NUP58: variants seen among roughly 807,000 people sequenced by gnomAD.
The protein encoded by NUP58 is nucleoporin p58/p45.
In NUP58, 17 loss-of-function variants were observed where a neutral mutation model predicts 70.1. The ratio of observed to expected loss-of-function variants is 0.24; its 90% CI spans 0.17 to 0.36. The LOEUF (loss-of-function observed/expected upper bound fraction) is 0.36, where lower values mean the gene tolerates loss of function less well. NUP58 is among the 10% of genes least tolerant of loss of function. NUP58 has a pLI of 1.00. For synonymous variants in NUP58, 275 were observed against 257.6 expected (o/e 1.07, Z -0.65); for missense variants, 644 against 701.5 (o/e 0.92, Z 0.93).
Position 25,341,003 on chromosome 13 carries a change from A to G in NUP58, c.*869A>G, listed in dbSNP as rs1473329627. On this transcript the variant is annotated 3_prime_UTR_variant, in exon 16 of 16. Coordinates refer to ENST00000381736, the MANE Select transcript of NUP58 (RefSeq NM_014089.4). ...TGTTCCCCTTTTCTAAGGGTATTCA[A>G]GTTTTCACCTTTTAAGCTTCATATC... The G allele has an allele frequency of 3.9e-5, 6 of 152,170 alleles. No individual in the cohort carries two copies. The highest frequency in any genetic ancestry group is 6.5e-5 in the Admixed American group (1 of 15,280). 9.4% of individuals were successfully genotyped at this position (152,170 alleles called of 1,614,324 possible).
intron 14 of NUP58, among the ~76,000 whole-genome samples, chr13:25,337,985 G>A (rs1212460969): frequency 6.6e-6 from 1 of 152,118 alleles, no homozygotes; most frequent in Non-Finnish European, 1.5e-5. Flanking sequence ...CATGAACTTT[G>A]TGTGATGAAA....
At chr13:25,332,200 A>G (rs1466170729) in intron 13 of NUP58, 1 of 985,786 alleles carries the variant, frequency 1.0e-6, no homozygotes, top group Non-Finnish European at 1.2e-6. Flanking sequence ...TGGATTGCAC[A>G]TTAAGGAGCA....
downstream of NUP58, among the ~76,000 whole-genome samples, chr13:25,343,826 T>TATATGTATATATATATATATATAC (rs1491561346): frequency 7.8e-6 from 1 of 127,554 alleles, no homozygotes; most frequent in Non-Finnish European, 1.7e-5. Context: ...TATATATATA[T>TATATGTATATATATATATATATAC]ACACATATAT....
downstream of NUP58, among the ~76,000 whole-genome samples, chr13:25,343,826 T>TATATATATATATATATATAC: frequency 7.8e-6 from 1 of 127,552 alleles, no homozygotes; most frequent in East Asian, 2.2e-4. Flanking sequence ...TATATATATA[T>TATATATATATATATATATAC]ACACATATAT....
intron 14 of NUP58, among the ~76,000 whole-genome samples, chr13:25,337,290 T>TGC (rs1350102180): frequency 1.3e-5 from 2 of 152,194 alleles, no homozygotes; most frequent in Non-Finnish European, 2.9e-5. Flanking sequence ...CAAAGCAATA[T>TGC]GCTGACACAT....
intron 13 of NUP58, chr13:25,334,375 T>A (rs1262111975): frequency 2.0e-6 from 2 of 985,326 alleles, no homozygotes; most frequent in African/African-American, 3.5e-5. Context: ...TAAGACTTTC[T>A]TATGTGACTT....
chr13:25,324,471 G>A (rs1330564330), intron 9 of NUP58, among the ~76,000 whole-genome samples: 2 of 152,038 alleles, frequency 1.3e-5, no homozygotes, highest in African/African-American at 4.8e-5. Flanking sequence ...ATGATATTGG[G>A]CAAGTTACTT....
At chr13:25,318,878 G>C (rs1342755544) in intron 6 of NUP58, among the ~76,000 whole-genome samples, 1 of 152,210 alleles carries the variant, frequency 6.6e-6, no homozygotes, top group Non-Finnish European at 1.5e-5. Context: ...GCCTTAAAAA[G>C]TGTCAGGTAA....
chr13:25,304,231 T>C (rs1226073108), intron 1 of NUP58, among the ~76,000 whole-genome samples: 4 of 152,144 alleles, frequency 2.6e-5, no homozygotes, highest in Middle Eastern at 3.4e-3. Context: ...CCAGATGTGA[T>C]TGAGTCAAGT....
intron 14 of NUP58, 94 bp downstream of exon 14, chr13:25,337,128 A>G (rs2031815110): frequency 2.9e-6 from 2 of 700,492 alleles, no homozygotes; most frequent in East Asian, 6.2e-5. Context: ...ATCTCCTGCT[A>G]TTTTGGAAGT....
intron 13 of NUP58, chr13:25,335,175 TATC>T: frequency 1.0e-6 from 1 of 985,330 alleles, no homozygotes. Flanking sequence ...AAACTAAAAA[TATC>T]ATGTATCTGA....
downstream of NUP58, among the ~76,000 whole-genome samples, chr13:25,342,797 T>G (rs1300823599): frequency 1.3e-5 from 2 of 152,148 alleles, no homozygotes; most frequent in Non-Finnish European, 2.9e-5. Context: ...ATATTCTCTC[T>G]GATTTTTTAT....
In NUP58 at chr13:25,301,642, C is replaced by G; in HGVS notation, c.-132C>G. 4.3e-6 allele frequency: 2 copies of G among 468,054 alleles called. No homozygotes were observed. Among genetic ancestry groups the G allele is most frequent in the Non-Finnish European group, 7.4e-6 (2 of 270,428 alleles). The allele number at this position is 468,054 out of a possible 1,614,324, so 29.0% of individuals were successfully genotyped here. A position where few individuals can be genotyped will look rare whatever the true frequency, so the allele number is the denominator to read the frequency against. The stretch of plus-strand genomic sequence containing the variant: ...ACCCCCTCAGCCTTGCCTTCGCCGC[C>G]GTTGGGGCTGGAAGTTCCCGCCAGG... On this transcript the variant is annotated 5_prime_UTR_variant, in exon 1 of 16. Transcript: ENST00000381736.
At chr13:25,329,719 C>G (rs993447395) in intron 12 of NUP58, among the ~76,000 whole-genome samples, 2 of 152,120 alleles carry the variant, frequency 1.3e-5, no homozygotes, top group African/African-American at 2.4e-5. Flanking sequence ...CAGGCGTTAA[C>G]TATTCTATCC....
chr13:25,349,023 A>C (rs1424581560), intron 3 of NUP58, among the ~76,000 whole-genome samples: 3 of 152,136 alleles, frequency 2.0e-5, no homozygotes, highest in Admixed American at 2.0e-4. Context: ...TTAGCCCTTC[A>C]GCATCATCTT....
chr13:25,305,130 G>GT (rs562132125), intron 1 of NUP58, among the ~76,000 whole-genome samples: 1,114 of 58,512 alleles, frequency 0.019, 127 homozygotes, highest in African/African-American at 0.055. Flanking sequence ...GATCTGTGGG[G>GT]TTTTTTTTTT....
chr13:25,341,437 T>G lies in NUP58; in HGVS notation c.*1303T>G, dbSNP rs1057067021. ...TTTTCTAGCTATTCCAATACAGAGT[T>G]CTTTCTTATAGGGCTATTGATATTG... is the stretch of plus-strand genomic sequence containing the variant. On this transcript the variant is annotated 3_prime_UTR_variant, in exon 16 of 16. Transcript: ENST00000381736. 1 of 152,616 alleles carries G rather than the reference T, an allele frequency of 6.6e-6. No individual in the cohort carries two copies. Among genetic ancestry groups the G allele is most frequent in the African/African-American group, 2.4e-5 (1 of 41,456 alleles). 9.5% of individuals were successfully genotyped at this position (152,616 alleles called of 1,614,324 possible).
intron 4 of NUP58, 95 bp downstream of exon 4, chr13:25,313,127 G>C: frequency 7.2e-7 from 1 of 1,385,002 alleles, no homozygotes; most frequent in Non-Finnish European, 9.8e-7. Context: ...AGAAATTATT[G>C]ATTTATAAAG....
chr13:25,335,979 A>G (rs1346115852), intron 13 of NUP58: 2 of 1,107,916 alleles, frequency 1.8e-6, no homozygotes, highest in East Asian at 8.9e-5. Context: ...TAGTTTTAAA[A>G]AAAAAAAATA....
Sources: gnomAD v4.1 joint callset for allele counts (sites outside exome capture counted in the v4.1 genomes callset) on GRCh38, gnomAD v4.1.1 for gene constraint, MANE v1.5 for transcripts, NCBI Gene and HGNC (gene_info 2026-07-23, HGNC 2026-07-21) for gene names.